Variants in SCAMP1 observed in about 807,000 individuals in gnomAD.
SCAMP1 encodes the protein secretory carrier-associated membrane protein 1.
SCAMP1 carries 15 observed loss-of-function variants against 41.8 expected under a neutral mutation model. The ratio of observed to expected loss-of-function variants is 0.36; its 90% CI spans 0.24 to 0.55. The LOEUF (loss-of-function observed/expected upper bound fraction) is 0.55, where lower values mean the gene tolerates loss of function less well. SCAMP1 is among the 20% of genes least tolerant of loss of function. The probability of loss-of-function intolerance (pLI) is 0.86; values close to 1 mark genes in which losing one functional copy is unlikely to be tolerated. For missense variants in SCAMP1, 341 were observed against 412.6 expected, an observed-to-expected ratio of 0.83 and a Z score of 1.50; for synonymous variants, 135 against 136.8, an observed-to-expected ratio of 0.99 and a Z score of 0.09.
chr5:78,452,459 A>T (rs1276856823), intron 7 of SCAMP1, among the ~76,000 whole-genome samples: 10 of 128,274 alleles, frequency 7.8e-5, no homozygotes, highest in African/African-American at 3.0e-4. Context: ...TGTTCTTGCG[A>T]TAGTTTACTG....
chr5:78,457,421 C>T lies in SCAMP1; in HGVS notation c.735-1824C>T, dbSNP rs548024615. Among the ~76,000 whole-genome samples the T allele has an allele frequency of 5.9e-5, 9 of 152,060 alleles. No individual in the cohort carries two copies. The South Asian group carries it at 1.0e-3, about 18-fold the overall frequency. Reference sequence around the variant, plus strand: ...TTCTAACAGACAGGACCCTCAGCTGCAGGTCTGTTGGAATACCCTGTCGTG... The same window carrying T: ...TTCTAACAGACAGGACCCTCAGCTGTAGGTCTGTTGGAATACCCTGTCGTG... On this transcript the variant is annotated intron_variant, in intron 7 of 8. Transcript: ENST00000621999.
Position 78,389,358 on chromosome 5 carries a change from G to T in SCAMP1, c.135+444G>T, listed in dbSNP as rs191882322. Among the ~76,000 whole-genome samples, 6 of 152,238 alleles carry T rather than the reference G, an allele frequency of 3.9e-5. 1 individual carries two copies. Among genetic ancestry groups the T allele is most frequent in the African/African-American group, 1.4e-4 (6 of 41,542 alleles). On this transcript the variant is annotated intron_variant, in intron 2 of 8. Transcript: ENST00000621999. ...TGAATAGTACTAGCCTTCTGTTCTG[G>T]CAGAGTAGAACCTCTGGAACTTTAC...
intron 1 of SCAMP1, chr5:78,370,544 G>T (rs570476318): frequency 5.9e-5 from 9 of 152,196 alleles, no homozygotes; most frequent in Non-Finnish European, 1.0e-4. Flanking sequence ...TTGGCTTTGG[G>T]TGCTTTTCAG....
At chr5:78,458,530 A>T (rs1753493486) in intron 7 of SCAMP1, among the ~76,000 whole-genome samples, 1 of 152,098 alleles carries the variant, frequency 6.6e-6, no homozygotes, top group Non-Finnish European at 1.5e-5. Context: ...CCTTTGTTGG[A>T]TATATGGTTT....
chr5:78,429,701 A>G (rs1398467297), intron 6 of SCAMP1, among the ~76,000 whole-genome samples: 38 of 151,998 alleles, frequency 2.5e-4, no homozygotes, highest in Admixed American at 2.5e-3. Flanking sequence ...CCATGAATAG[A>G]TGTTTCTCAG....
chr5:78,384,178 TTC>T (rs144077748), intron 1 of SCAMP1, among the ~76,000 whole-genome samples: 42,522 of 115,692 alleles, frequency 0.37, 9,072 homozygotes, highest in Non-Finnish European at 0.47. Flanking sequence ...CAAGTTTTTT[TTC>T]TTTTTTTTTT....
At chr5:78,435,437 C>T (rs1485464574) in intron 6 of SCAMP1, among the ~76,000 whole-genome samples, 1 of 152,160 alleles carries the variant, frequency 6.6e-6, no homozygotes, top group Non-Finnish European at 1.5e-5. Flanking sequence ...CAAGGGTTCT[C>T]ATTGTTCAGT....
At chr5:78,451,531 T>A (rs1436224837) in intron 7 of SCAMP1, among the ~76,000 whole-genome samples, 2 of 152,222 alleles carry the variant, frequency 1.3e-5, no homozygotes, top group African/African-American at 2.4e-5. Context: ...TGTTGTTTTG[T>A]CATTTCAAGA....
At chr5:78,381,791 G>T (rs888093091) in intron 1 of SCAMP1, among the ~76,000 whole-genome samples, 2 of 152,128 alleles carry the variant, frequency 1.3e-5, no homozygotes, top group South Asian at 2.1e-4. Flanking sequence ...TGTTTCATTT[G>T]GTTAAGGGAG....
chr5:78,436,842 C>A (rs1026325276), intron 6 of SCAMP1, among the ~76,000 whole-genome samples: 2 of 152,114 alleles, frequency 1.3e-5, no homozygotes, highest in African/African-American at 4.8e-5. Flanking sequence ...GATATTGATT[C>A]TTCCTATACA....
At chr5:78,443,776 A>G (rs1252642100) in intron 6 of SCAMP1, among the ~76,000 whole-genome samples, 1 of 147,170 alleles carries the variant, frequency 6.8e-6, no homozygotes, top group Non-Finnish European at 1.5e-5. Flanking sequence ...CTCCTGCCTC[A>G]GCCTCCCAAA....
intron 1 of SCAMP1, among the ~76,000 whole-genome samples, chr5:78,375,111 G>A (rs941190616): frequency 1.3e-5 from 2 of 151,964 alleles, no homozygotes; most frequent in African/African-American, 4.8e-5. Context: ...TTGAACTCAG[G>A]GGAGGGCCTC....
In SCAMP1 at chr5:78,479,867, C is replaced by T. The variant is rs1163277338; in HGVS notation, c.*4199C>T. 1.3e-5 allele frequency among the ~76,000 whole-genome samples: 2 copies of T among 151,132 alleles called. No homozygotes were observed. Among genetic ancestry groups the T allele is most frequent in the Admixed American group, 6.6e-5 (1 of 15,208 alleles). ...ACCATCCTGGCTAACATGGTGAAAC[C>T]CCATCTCTACTAAAAATACAAAAAA... On this transcript the variant is annotated 3_prime_UTR_variant, in exon 9 of 9. Coordinates refer to ENST00000621999, the MANE Select transcript of SCAMP1 (RefSeq NM_004866.6).
At chr5:78,456,515 C>A (rs919467556) in intron 7 of SCAMP1, among the ~76,000 whole-genome samples, 1 of 151,502 alleles carries the variant, frequency 6.6e-6, no homozygotes, top group African/African-American at 2.4e-5. Flanking sequence ...TATTGGCCCC[C>A]ACTCTCTTCT....
intron 1 of SCAMP1, among the ~76,000 whole-genome samples, chr5:78,370,432 A>G (rs971325494): frequency 2.0e-5 from 3 of 152,160 alleles, no homozygotes; most frequent in East Asian, 1.9e-4. Flanking sequence ...GTTTGACTTC[A>G]TATGTGTAGA....
At chr5:78,467,388 A>G (rs1442749852) in intron 8 of SCAMP1, among the ~76,000 whole-genome samples, 1 of 151,702 alleles carries the variant, frequency 6.6e-6, no homozygotes, top group Non-Finnish European at 1.5e-5. Context: ...ATAATGAACT[A>G]CTCTGTGCAC....
At chr5:78,366,148 T>C (rs1031860791) in intron 1 of SCAMP1, among the ~76,000 whole-genome samples, 13 of 145,948 alleles carry the variant, frequency 8.9e-5, no homozygotes, top group East Asian at 2.0e-4. Flanking sequence ...TCTTTTCTTT[T>C]CTTTTTTTTT....
chr5:78,374,038 AAG>A (rs1259129762), intron 1 of SCAMP1, among the ~76,000 whole-genome samples: 1 of 152,134 alleles, frequency 6.6e-6, no homozygotes, highest in Middle Eastern at 3.2e-3. Flanking sequence ...AAGATGGAGT[AAG>A]AGTAGGTTAT....
chr5:78,375,344 C>T (rs1478285405), intron 1 of SCAMP1, among the ~76,000 whole-genome samples: 1 of 152,074 alleles, frequency 6.6e-6, no homozygotes, highest in Non-Finnish European at 1.5e-5. Flanking sequence ...TGAATCCTGA[C>T]CATGTCACTT....
Sources: gnomAD v4.1 joint callset for allele counts (sites outside exome capture counted in the v4.1 genomes callset) on GRCh38, gnomAD v4.1.1 for gene constraint, MANE v1.5 for transcripts, NCBI Gene and HGNC (gene_info 2026-07-23, HGNC 2026-07-21) for gene names.